The following TRPM7 variants were observed in gnomAD, a reference collection of about 807,000 sequenced individuals.
TRPM7 encodes the protein transient receptor potential cation channel subfamily M member 7, also known as LTRPC ion channel family member 7.
In TRPM7, 134 loss-of-function variants were observed where a neutral mutation model predicts 229.7. That is an observed-to-expected ratio of 0.58 (90% CI 0.51 to 0.67). The LOEUF (loss-of-function observed/expected upper bound fraction) is 0.67. TRPM7 is among the 30% of genes least tolerant of loss of function. TRPM7 has a pLI of 0.00. For missense variants in TRPM7, 1,901 were observed against 2,210.0 expected (o/e 0.86, Z 2.80); for synonymous variants, 699 against 715.2 (o/e 0.98, Z 0.36).
chr15:50,612,771 A>G lies in TRPM7; in HGVS notation c.1829T>C (p.Ile610Thr). The change falls in exon 16 of 39, where the codon ATT becomes ACT. Residue 610 changes from isoleucine (I) to threonine (T), a missense_variant. Transcript: ENST00000646667. ...AAAGCGCTTGGTTTCTGGATCATCA[A>G]TGTCTACAATTTCATCTTTGGTTCT... ...KKRTKDEIVDIDDPETKRFPY... is the reference protein window; with the variant it reads ...KKRTKDEIVDTDDPETKRFPY... 6.2e-7 allele frequency: 1 copy of G among 1,614,058 alleles called. No homozygotes were observed. The highest frequency in any genetic ancestry group is 8.5e-7 in the Non-Finnish European group (1 of 1,179,972).
At chr15:50,650,911 G>A (rs987204337) in intron 3 of TRPM7, among the ~76,000 whole-genome samples, 5 of 152,278 alleles carry the variant, frequency 3.3e-5, no homozygotes, top group African/African-American at 4.8e-5. Flanking sequence ...GACATTGGCC[G>A]GGCGTGGTAG....
In TRPM7 at chr15:50,558,046, C is replaced by T. The variant is rs1383342443; in HGVS notation, c.*3632G>A. The T allele has an allele frequency of 6.6e-6, 1 of 152,156 alleles. No homozygotes were observed. The highest frequency in any genetic ancestry group is 1.5e-5 in the Non-Finnish European group (1 of 68,032). The allele number at this position is 152,156 out of a possible 1,614,324, so 9.4% of individuals were successfully genotyped here. A position where few individuals can be genotyped will look rare whatever the true frequency, so the allele number is the denominator to read the frequency against. On this transcript the variant is annotated 3_prime_UTR_variant, in exon 39 of 39. Transcript: ENST00000646667. ...AAAGATTAAGCAAATGACACTTTCACATCATAGGGTAGTAATAATGAACTT... is the reference window on the plus strand; with the variant it reads ...AAAGATTAAGCAAATGACACTTTCATATCATAGGGTAGTAATAATGAACTT...
In TRPM7 at chr15:50,609,661, T is replaced by C. The variant is rs1170253743; in HGVS notation, c.2500A>G (p.Met834Val). 1.5e-5 allele frequency: 24 copies of C among 1,612,502 alleles called. No homozygotes were observed. The highest frequency in any genetic ancestry group is 2.0e-5 in the Non-Finnish European group (24 of 1,179,136). ...NEGKNEMEIQ[M>V]KSKKLPITRK... ...GTAATTGGAAGCTTTTTTGATTTCA[T>C]TTGTATCTCCATCTCATTCTTTCCT... The change falls in exon 19 of 39, where the codon ATG (methionine) becomes GTG (valine). Residue 834 changes from methionine to valine, a missense_variant. Met to Val is a conservative substitution (Grantham distance 21). Coordinates refer to ENST00000646667, the MANE Select transcript of TRPM7 (RefSeq NM_017672.6).
At chr15:50,621,877 G>GA (rs1011564071) in intron 12 of TRPM7, among the ~76,000 whole-genome samples, 4 of 151,784 alleles carry the variant, frequency 2.6e-5, no homozygotes, top group African/African-American at 9.7e-5. Context: ...TAAAAATACA[G>GA]AAATTAGCTG....
chr15:50,678,176 G>C (rs1029478622), intron 1 of TRPM7, among the ~76,000 whole-genome samples: 12 of 147,864 alleles, frequency 8.1e-5, no homozygotes, highest in Admixed American at 7.9e-4. Context: ...AAGAGGCAGA[G>C]CTTGCAGTGA....
chr15:50,649,393 C>G (rs970734453), intron 3 of TRPM7, among the ~76,000 whole-genome samples: 1 of 149,732 alleles, frequency 6.7e-6, no homozygotes, highest in Non-Finnish European at 1.5e-5. Context: ...TTGGTCACAC[C>G]ACTGTGCTCC....
chr15:50,611,940 T>C (rs1417931873), intron 16 of TRPM7, among the ~76,000 whole-genome samples: 2 of 152,274 alleles, frequency 1.3e-5, no homozygotes, highest in African/African-American at 2.4e-5. Context: ...ACTCTGTGTA[T>C]GTAGTTCTAG....
chr15:50,594,438 C>T lies in TRPM7; in HGVS notation c.3466G>A (p.Asp1156Asn), dbSNP rs774172575. 9.9e-6 allele frequency: 16 copies of T among 1,609,112 alleles called. No homozygotes were observed. Among genetic ancestry groups the T allele is most frequent in the South Asian group, 6.6e-5 (6 of 90,230 alleles). Reference sequence around the variant, plus strand: ...AATATAGTTTACTTACTTGGTCCATCGGAAGTCTTATCTTTCTTTCTTCTC... The same window carrying T: ...AATATAGTTTACTTACTTGGTCCATTGGAAGTCTTATCTTTCTTTCTTCTC... ...CKRRKKDKTS[D>N]GPKLFLTEED... The change falls in exon 24 of 39, where the codon GAT becomes AAT. Residue 1156 changes from aspartate to asparagine, a missense_variant. Asp to Asn is a conservative substitution (Grantham distance 23). Coordinates refer to ENST00000646667, the MANE Select transcript of TRPM7 (RefSeq NM_017672.6).
In TRPM7 at chr15:50,558,289, A is replaced by G. The variant is rs2053197265; in HGVS notation, c.*3389T>C. ...CTGGGTGCAGCAATTCATGCCTGCA[A>G]TTCTACCACTTTGGGAAGCTCAGGC... is the stretch of plus-strand genomic sequence containing the variant. On this transcript the variant is annotated 3_prime_UTR_variant, in exon 39 of 39. Coordinates refer to ENST00000646667, the MANE Select transcript of TRPM7 (RefSeq NM_017672.6). The G allele has an allele frequency of 6.6e-6, 1 of 152,302 alleles. No homozygotes were observed. The highest frequency in any genetic ancestry group is 2.4e-5 in the African/African-American group (1 of 41,442). 9.4% of individuals were successfully genotyped at this position (152,302 alleles called of 1,614,324 possible).
chr15:50,584,955 A>C (rs2054614620), intron 28 of TRPM7, among the ~76,000 whole-genome samples: 2 of 151,834 alleles, frequency 1.3e-5, no homozygotes, highest in Admixed American at 6.6e-5. Flanking sequence ...GGCTCACTGC[A>C]ACCTCCATCT....
Position 50,661,361 on chromosome 15 carries a change from A to G in TRPM7, c.83+1606T>C, listed in dbSNP as rs72740465. Among the ~76,000 whole-genome samples the G allele has an allele frequency of 4.7e-3, 712 of 152,336 alleles. 3 individuals are homozygous for G. The highest frequency in any genetic ancestry group is 0.01 in the Middle Eastern group (3 of 294). ...ACTGAATGTAGCACTACTTTAAAAC[A>G]AAAGCAATACACTGAGAAAAAGTTA... On this transcript the variant is annotated intron_variant, in intron 2 of 38. Coordinates refer to ENST00000646667, the MANE Select transcript of TRPM7 (RefSeq NM_017672.6).
At chr15:50,598,210 C>A (rs562457535) in intron 22 of TRPM7, among the ~76,000 whole-genome samples, 13 of 152,138 alleles carry the variant, frequency 8.5e-5, no homozygotes, top group Admixed American at 5.9e-4. Context: ...GAGAGAGAAT[C>A]AACAAAATAA....
At chr15:50,591,463 T>A (rs2140357577) in intron 26 of TRPM7, among the ~76,000 whole-genome samples, 1 of 151,632 alleles carries the variant, frequency 6.6e-6, no homozygotes, top group South Asian at 2.1e-4. Context: ...ATAGCCTAAT[T>A]CAGTCTATTT....
intron 15 of TRPM7, 127 bp downstream of exon 15, chr15:50,613,580 C>T: frequency 1.7e-6 from 1 of 579,802 alleles, no homozygotes. Context: ...AATGACAATT[C>T]TAGGACATAT....
rs1428933606 is a variant in TRPM7 at position 50,599,282 on chromosome 15, G to T, written c.3003C>A (p.Phe1001Leu). The change falls in exon 22 of 39, where the codon TTC becomes TTA. Residue 1001 changes from phenylalanine (F) to leucine (L), a missense_variant. Phe to Leu is a conservative substitution (Grantham distance 22, BLOSUM62 0). Transcript: ENST00000646667. ...CAAGAGCCATAATCACTACAATGTA[G>T]AACATATTGGCCACCTGTTAAAAAA... The part of the protein sequence containing the change: ...MMIGKMVANM[F>L]YIVVIMALVL... 6.2e-7 allele frequency: 1 copy of T among 1,601,240 alleles called. No homozygotes were observed. Among genetic ancestry groups the T allele is most frequent in the Admixed American group, 1.7e-5 (1 of 57,900 alleles).
chr15:50,651,032 C>T (rs767055624), intron 3 of TRPM7, among the ~76,000 whole-genome samples: 2 of 151,866 alleles, frequency 1.3e-5, no homozygotes, highest in Non-Finnish European at 2.9e-5. Context: ...ACAAAACATA[C>T]AAACGTTAGT....
chr15:50,604,877 T>A lies in TRPM7; in HGVS notation c.2977A>T (p.Ile993Phe). Residue 993 changes from isoleucine (I) to phenylalanine (F), a missense_variant, in exon 21 of 39, where the codon ATT becomes TTT. Ile to Phe is a conservative substitution (Grantham distance 21, BLOSUM62 0). Coordinates refer to ENST00000646667, the MANE Select transcript of TRPM7 (RefSeq NM_017672.6). The part of the protein sequence containing the change: ...NQQAGPYVMM[I>F]GKMVANMFYI... ...ATCTGTCAACTTACCATTTTTCCAATCATCATTACATAAGGTCCTGCCTGT... is the reference window on the plus strand; with the variant it reads ...ATCTGTCAACTTACCATTTTTCCAAACATCATTACATAAGGTCCTGCCTGT... The A allele has an allele frequency of 2.6e-6, 4 of 1,566,518 alleles. No individual in the cohort carries two copies. Among genetic ancestry groups the A allele is most frequent in the Non-Finnish European group, 3.5e-6 (4 of 1,156,620 alleles).
At chr15:50,563,612 G>A (rs1596040428) in intron 38 of TRPM7, among the ~76,000 whole-genome samples, 1 of 152,192 alleles carries the variant, frequency 6.6e-6, no homozygotes, top group Admixed American at 6.5e-5. Context: ...TTGGACTTGA[G>A]CAACTGGGTA....
At chr15:50,574,757 TTTAAACTAAGA>T (rs1468964341) in intron 34 of TRPM7, 38 bp from the exon 35 acceptor site, 1 of 1,588,914 alleles carries the variant, frequency 6.3e-7, no homozygotes, top group African/African-American at 1.4e-5. Context: ...TTGTTTAATA[TTTAAACTAAGA>T]TTATATTTGG....
Sources: allele counts gnomAD v4.1 joint callset (sites outside exome capture counted in the v4.1 genomes callset), GRCh38; gene constraint gnomAD v4.1.1; transcripts MANE v1.5; gene names NCBI Gene and HGNC (gene_info 2026-07-23, HGNC 2026-07-21).